Variants in TSPAN33 observed in about 807,000 individuals in gnomAD.
TSPAN33 encodes tetraspanin-33.
Under a neutral mutation model 34.8 loss-of-function variants are expected in TSPAN33, and 27 were observed. That is an observed-to-expected ratio of 0.78 (90% CI 0.57 to 1.07). The LOEUF (loss-of-function observed/expected upper bound fraction) is 1.07, where lower values mean the gene tolerates loss of function less well. Among genes scored for constraint, TSPAN33 ranks in the 50% least tolerant of loss-of-function variants. TSPAN33 has a pLI of 0.00. For synonymous variants in TSPAN33, 119 were observed against 124.2 expected, an observed-to-expected ratio of 0.96 and a Z score of 0.28; for missense variants, 272 against 324.9, an observed-to-expected ratio of 0.84 and a Z score of 1.25.
chr7:129,162,174 C>T (rs1387390345), intron 2 of TSPAN33, among the ~76,000 whole-genome samples: 1 of 152,238 alleles, frequency 6.6e-6, no homozygotes, highest in African/African-American at 2.4e-5. Flanking sequence ...GGAATAAAGG[C>T]TTTTATTTCT....
chr7:129,164,212 G>T (rs775202359), intron 4 of TSPAN33, among the ~76,000 whole-genome samples: 13 of 152,136 alleles, frequency 8.5e-5, no homozygotes, highest in Non-Finnish European at 7.4e-5. Context: ...AGCATTCAGA[G>T]ATAGATACAC....
chr7:129,149,389 C>G (rs935222129), intron 1 of TSPAN33, among the ~76,000 whole-genome samples: 1 of 152,242 alleles, frequency 6.6e-6, no homozygotes, highest in East Asian at 1.9e-4. Context: ...GAAACCCCAT[C>G]TCTACTAAAA....
At chr7:129,158,330 A>G (rs1792986750) in intron 1 of TSPAN33, among the ~76,000 whole-genome samples, 1 of 152,246 alleles carries the variant, frequency 6.6e-6, no homozygotes, top group Admixed American at 6.5e-5. Context: ...CCATAGATAG[A>G]GACAGAGCAA....
At chr7:129,152,072 A>G (rs1339833239) in intron 1 of TSPAN33, among the ~76,000 whole-genome samples, 3 of 152,202 alleles carry the variant, frequency 2.0e-5, no homozygotes, top group Non-Finnish European at 4.4e-5. Context: ...TCAGTGTCCA[A>G]AAAAATGTCA....
intron 1 of TSPAN33, among the ~76,000 whole-genome samples, chr7:129,146,718 C>T (rs1458356278): frequency 6.6e-6 from 1 of 152,232 alleles, no homozygotes; most frequent in Non-Finnish European, 1.5e-5. Flanking sequence ...AGACTCCCCA[C>T]TTAGGGGCAA....
chr7:129,159,060 TTTTC>T (rs1280338337), intron 1 of TSPAN33, among the ~76,000 whole-genome samples: 2 of 150,858 alleles, frequency 1.3e-5, no homozygotes, highest in Non-Finnish European at 2.9e-5. Flanking sequence ...CACATTTTCT[TTTTC>T]TTTCTTTTTT....
At position 129,169,272 on chromosome 7, in the gene TSPAN33, T is replaced by TGGGCCTCCTGGCGCC. The variant is rs1793194344; in HGVS notation, c.*1402_*1416dup. On this transcript the variant is annotated 3_prime_UTR_variant, in exon 8 of 8. Coordinates refer to ENST00000486685, the MANE Select transcript of TSPAN33 (RefSeq NM_178562.5). ...TCCGAGGAAGCTCGGCGCGGTGCGC[T>TGGGCCTCCTGGCGCC]GGGCCTCCTGGCGCCGGGAGGAGCG... Among the ~76,000 whole-genome samples the TGGGCCTCCTGGCGCC allele has an allele frequency of 6.6e-6, 1 of 152,070 alleles. No individual in the cohort carries two copies. The highest frequency in any genetic ancestry group is 6.5e-5 in the Admixed American group (1 of 15,274).
Position 129,169,164 on chromosome 7 carries a change from C to T in TSPAN33, c.*1290C>T, listed in dbSNP as rs1019030282. Among the ~76,000 whole-genome samples the T allele has an allele frequency of 2.0e-5, 3 of 152,186 alleles. No homozygotes were observed. Among genetic ancestry groups the T allele is most frequent in the African/African-American group, 7.2e-5 (3 of 41,444 alleles). On this transcript the variant is annotated 3_prime_UTR_variant, in exon 8 of 8. Transcript: ENST00000486685. ...CATGAGCACTCCGCTGGGGCCGGGA[C>T]GGGGAATGAGGAGGAAGAAGGCCCT... is the stretch of plus-strand genomic sequence containing the variant.
intron 1 of TSPAN33, among the ~76,000 whole-genome samples, chr7:129,160,221 A>G (rs1316398705): frequency 1.3e-5 from 2 of 152,112 alleles, no homozygotes; most frequent in African/African-American, 4.8e-5. Flanking sequence ...TGACCCTATT[A>G]CCTGTTCTGG....
chr7:129,145,413 G>A (rs1810506758), intron 1 of TSPAN33, among the ~76,000 whole-genome samples: 5 of 152,074 alleles, frequency 3.3e-5, no homozygotes, highest in Admixed American at 3.3e-4. Context: ...GTCGGGGGTG[G>A]CGGCTGACTT....
At chr7:129,157,141 A>G (rs1409765811) in intron 1 of TSPAN33, among the ~76,000 whole-genome samples, 1 of 152,208 alleles carries the variant, frequency 6.6e-6, no homozygotes, top group African/African-American at 2.4e-5. Flanking sequence ...AGCATAGTGG[A>G]AAGAGTTCCA....
At chr7:129,156,912 T>C (rs1810671928) in intron 1 of TSPAN33, among the ~76,000 whole-genome samples, 1 of 152,206 alleles carries the variant, frequency 6.6e-6, no homozygotes, top group South Asian at 2.1e-4. Context: ...TTTTATATAA[T>C]TTGACTGACA....
Position 129,162,922 on chromosome 7 carries a change from C to T in TSPAN33, c.363+15C>T, listed in dbSNP as rs1793074718. 1.2e-6 allele frequency: 2 copies of T among 1,612,824 alleles called. No individual in the cohort carries two copies. Among genetic ancestry groups the T allele is most frequent in the African/African-American group, 2.7e-5 (2 of 74,920 alleles). ...TCTCAGACAAGGTAACACTGGGAGC[C>T]AGGAGGCCTCCTCAGGTGTGACCCA... On this transcript the variant is annotated intron_variant, in intron 4 of 7. Coordinates refer to ENST00000486685, the MANE Select transcript of TSPAN33 (RefSeq NM_178562.5).
chr7:129,164,563 G>A lies in TSPAN33; in HGVS notation c.453G>A (p.Gln151=). ...TGCAGAACCTCATTGATTTTGGCCA[G>A]AAAAAGGTATGGGTCAGCCAGTGGT... ...LDLQNLIDFG[Q]KKFSCCGGIS... The change falls in exon 5 of 8, where the codon CAG becomes CAA. Residue 151 remains glutamine, a synonymous_variant. Coordinates refer to ENST00000486685, the MANE Select transcript of TSPAN33 (RefSeq NM_178562.5). 1 of 1,613,726 alleles carries A rather than the reference G, an allele frequency of 6.2e-7. No homozygotes were observed. Among genetic ancestry groups the A allele is most frequent in the South Asian group, 1.1e-5 (1 of 91,062 alleles).
chr7:129,161,599 G>A (rs1237230962), intron 1 of TSPAN33, 80 bp from the exon 2 acceptor site: 1 of 1,397,426 alleles, frequency 7.2e-7, no homozygotes, highest in Non-Finnish European at 1.0e-6. Context: ...TCCTTCTCCT[G>A]CTCTCCTAGG....
chr7:129,156,798 C>A (rs868069930), intron 1 of TSPAN33, among the ~76,000 whole-genome samples: 2 of 152,278 alleles, frequency 1.3e-5, no homozygotes, highest in Non-Finnish European at 2.9e-5. Flanking sequence ...CTGCCCCCAT[C>A]CTAGAATCAG....
Position 129,165,681 on chromosome 7 carries a change from A to G in TSPAN33, c.460-1097A>G, listed in dbSNP as rs531015534. ...TCCCAGCACTTTGGGAGGCCAAGGC[A>G]GGCAGATCATTTGAGGTCAGGAGTT... is the stretch of plus-strand genomic sequence containing the variant. On this transcript the variant is annotated intron_variant, in intron 5 of 7. Coordinates refer to ENST00000486685, the MANE Select transcript of TSPAN33 (RefSeq NM_178562.5). This position sits in a 1 kb window ranked among gnomAD's most constrained non-coding sequence, Gnocchi z 4.5. Among the ~76,000 whole-genome samples the G allele has an allele frequency of 4.6e-5, 7 of 152,304 alleles. No individual in the cohort carries two copies. The South Asian group carries it at 1.4e-3, about 32-fold the overall frequency.
Position 129,167,409 on chromosome 7 carries a change from A to T in TSPAN33, c.599A>T (p.Asn200Ile), listed in dbSNP as rs750655956. The part of the protein sequence containing the change: ...CLPTPDQAVI[N>I]TMCGQGMQAF... ...CAACTCTTTCCCCAGGCAGTGATCA[A>T]CACTATGTGTGGCCAAGGTATGCAG... The change falls in exon 7 of 8, where the codon AAC (asparagine) becomes ATC (isoleucine). Residue 200 changes from asparagine to isoleucine, a missense_variant. Physicochemically the swap from Asn to Ile is moderately radical, Grantham distance 149. Coordinates refer to ENST00000486685, the MANE Select transcript of TSPAN33 (RefSeq NM_178562.5). This position sits in a 1 kb window ranked among gnomAD's most constrained non-coding sequence, Gnocchi z 4.6. 6.2e-7 allele frequency: 1 copy of T among 1,613,762 alleles called. No individual in the cohort carries two copies. Among genetic ancestry groups the T allele is most frequent in the Non-Finnish European group, 8.5e-7 (1 of 1,179,692 alleles).
chr7:129,152,169 C>T (rs1343488968), intron 1 of TSPAN33, among the ~76,000 whole-genome samples: 2 of 152,234 alleles, frequency 1.3e-5, no homozygotes, highest in Non-Finnish European at 2.9e-5. Context: ...CTGTGGAAAA[C>T]AGTTTGGCAG....
Sources: allele counts gnomAD v4.1 joint callset (sites outside exome capture counted in the v4.1 genomes callset), GRCh38; gene constraint gnomAD v4.1.1; non-coding constraint Gnocchi (gnomAD v3.1); transcripts MANE v1.5; gene names NCBI Gene and HGNC (gene_info 2026-07-23, HGNC 2026-07-21).